The following GRIA1 variants were observed in gnomAD, a reference collection of about 807,000 sequenced individuals.
GRIA1 encodes glutamate ionotropic receptor AMPA type subunit 1, also known as glutamate receptor 1.
In GRIA1, 31 loss-of-function variants were observed where a neutral mutation model predicts 99.2. That is an observed-to-expected ratio of 0.31 (90% confidence interval 0.23 to 0.42). The LOEUF (loss-of-function observed/expected upper bound fraction) is 0.42. Among genes scored for constraint, GRIA1 ranks in the 10% least tolerant of loss-of-function variants. GRIA1 has a pLI of 1.00. For missense variants in GRIA1, 782 were observed against 1,157.5 expected, an observed-to-expected ratio of 0.68 and a Z score of 4.71; for synonymous variants, 438 against 432.4, an observed-to-expected ratio of 1.01 and a Z score of -0.16.
intron 2 of GRIA1, among the ~76,000 whole-genome samples, chr5:153,636,590 A>G (rs902792956): frequency 2.0e-5 from 3 of 152,164 alleles, no homozygotes; most frequent in Non-Finnish European, 2.9e-5. Context: ...TTGCAGAAAA[A>G]GTTTGCCTAT....
At chr5:153,557,734 C>T (rs1355674779) in intron 2 of GRIA1, 1 of 152,146 alleles carries the variant, frequency 6.6e-6, no homozygotes, top group Non-Finnish European at 1.5e-5. Context: ...CAAACACATG[C>T]ATTAGCCTAG....
At chr5:153,493,571 G>A (rs1163530606) in intron 1 of GRIA1, among the ~76,000 whole-genome samples, 2 of 152,262 alleles carry the variant, frequency 1.3e-5, no homozygotes, top group South Asian at 2.1e-4. Flanking sequence ...GGGTGAGGGG[G>A]CTTATGTGTA....
At chr5:153,623,424 G>A (rs1373723174) in intron 2 of GRIA1, among the ~76,000 whole-genome samples, 2 of 152,162 alleles carry the variant, frequency 1.3e-5, no homozygotes, top group African/African-American at 4.8e-5. Flanking sequence ...ATCAGCAGGG[G>A]CTTATTATAT....
chr5:153,544,501 G>A (rs1208136824), intron 2 of GRIA1, among the ~76,000 whole-genome samples: 2 of 152,140 alleles, frequency 1.3e-5, no homozygotes, highest in African/African-American at 4.8e-5. Context: ...GGTCTATAAT[G>A]AAATGGTTTA....
rs533614436 is a variant in GRIA1 at position 153,645,428 on chromosome 5, T to C, written c.221-1500T>C. ...ATTAGGTACCACTGGTTAATTGCAT[T>C]CTTTATTGCAGCATGGGCCAAAAGA... is the stretch of plus-strand genomic sequence containing the variant. On this transcript the variant is annotated intron_variant, in intron 2 of 15. Transcript: ENST00000285900. Among the ~76,000 whole-genome samples, 8 of 152,268 alleles carry C rather than the reference T, an allele frequency of 5.3e-5. No individual in the cohort carries two copies. In the South Asian group the frequency reaches 1.7e-3, roughly 32 times the overall value.
intron 2 of GRIA1, among the ~76,000 whole-genome samples, chr5:153,500,340 C>T (rs1413756701): frequency 1.3e-5 from 2 of 152,104 alleles, no homozygotes; most frequent in Non-Finnish European, 2.9e-5. Context: ...ACTGTCACTG[C>T]CCCACTCCAT....
intron 7 of GRIA1, among the ~76,000 whole-genome samples, chr5:153,682,258 G>A (rs1345863746): frequency 1.3e-5 from 2 of 152,116 alleles, no homozygotes; most frequent in Non-Finnish European, 2.9e-5. Flanking sequence ...ATCCACCTGA[G>A]GGCAACTGCA....
intron 8 of GRIA1, 32 bp downstream of exon 8, chr5:153,686,361 G>A (rs866746829): frequency 3.3e-6 from 5 of 1,521,492 alleles, no homozygotes; most frequent in Middle Eastern, 1.7e-4. Context: ...GTTCTGCAGA[G>A]AGAAGAGGCT....
chr5:153,725,741 A>G (rs1320476192), intron 11 of GRIA1, among the ~76,000 whole-genome samples: 2 of 116,268 alleles, frequency 1.7e-5, no homozygotes, highest in Non-Finnish European at 3.5e-5. Context: ...TTCATAAAGC[A>G]AGTCCTGAGT....
intron 2 of GRIA1, among the ~76,000 whole-genome samples, chr5:153,532,095 G>A (rs1376156161): frequency 6.6e-6 from 1 of 152,058 alleles, no homozygotes. Context: ...CTCTTTTACA[G>A]CCTTTACAGC....
chr5:153,606,688 C>T (rs944074232), intron 2 of GRIA1, among the ~76,000 whole-genome samples: 3 of 151,390 alleles, frequency 2.0e-5, no homozygotes, highest in Non-Finnish European at 4.4e-5. Context: ...AATTGTTTGG[C>T]GCTGGTAAAT....
At chr5:153,552,208 G>A (rs1368245435) in intron 2 of GRIA1, among the ~76,000 whole-genome samples, 2 of 151,026 alleles carry the variant, frequency 1.3e-5, no homozygotes, top group South Asian at 2.1e-4. Context: ...AAAACATCAT[G>A]AGACTTTGAA....
intron 2 of GRIA1, among the ~76,000 whole-genome samples, chr5:153,638,988 G>A (rs111839397): frequency 0.04 from 6,166 of 152,260 alleles, 138 homozygotes; most frequent in Middle Eastern, 0.085. Context: ...ATGAGTGTAG[G>A]CCCAGAGCCT....
At chr5:153,699,717 T>C (rs184698374) in intron 10 of GRIA1, among the ~76,000 whole-genome samples, 1 of 152,298 alleles carries the variant, frequency 6.6e-6, no homozygotes, top group African/African-American at 2.4e-5. Flanking sequence ...CTGCCTTATA[T>C]AACGGTTACC....
intron 13 of GRIA1, among the ~76,000 whole-genome samples, chr5:153,781,065 G>A (rs545021918): frequency 6.6e-6 from 1 of 152,202 alleles, no homozygotes; most frequent in African/African-American, 2.4e-5. Flanking sequence ...ATCTGTCCCT[G>A]TAACATTTTG....
At chr5:153,617,586 G>T (rs1257729200) in intron 2 of GRIA1, among the ~76,000 whole-genome samples, 1 of 152,086 alleles carries the variant, frequency 6.6e-6, no homozygotes, top group African/African-American at 2.4e-5. Context: ...AGGGAGAATT[G>T]GTACATGAGT....
intron 2 of GRIA1, among the ~76,000 whole-genome samples, chr5:153,581,754 CTTT>C (rs10710677): frequency 4.8e-4 from 67 of 139,482 alleles, no homozygotes; most frequent in African/African-American, 1.1e-3. Flanking sequence ...TTTCTTTTCT[CTTT>C]TTTTTTTTTT....
At chr5:153,764,003 G>A (rs540446744) in intron 11 of GRIA1, among the ~76,000 whole-genome samples, 1 of 152,276 alleles carries the variant, frequency 6.6e-6, no homozygotes, top group East Asian at 1.9e-4. Flanking sequence ...CTGAAAACAT[G>A]TCTAAACCAA....
At chr5:153,555,043 C>A (rs545446920) in intron 2 of GRIA1, among the ~76,000 whole-genome samples, 2 of 152,240 alleles carry the variant, frequency 1.3e-5, no homozygotes, top group Admixed American at 6.5e-5. Flanking sequence ...CCAGGACATG[C>A]AGCTTGGAAC....
Sources: gnomAD v4.1 joint callset for allele counts (sites outside exome capture counted in the v4.1 genomes callset) on GRCh38, gnomAD v4.1.1 for gene constraint, MANE v1.5 for transcripts, NCBI Gene and HGNC (gene_info 2026-07-23, HGNC 2026-07-21) for gene names.